MTUS2: variants seen among roughly 807,000 people sequenced by gnomAD.
MTUS2 encodes the protein microtubule-associated tumor suppressor candidate 2.
A neutral mutation model predicts 114.1 loss-of-function variants in MTUS2; 40 were observed. That is an observed-to-expected ratio of 0.35 (90% CI 0.27 to 0.46). The LOEUF (loss-of-function observed/expected upper bound fraction) is 0.46. Among genes scored for constraint, MTUS2 ranks in the 20% least tolerant of loss-of-function variants. MTUS2 has a pLI of 1.00. For missense variants in MTUS2, 1,679 were observed against 1,705.4 expected (o/e 0.98, Z 0.27); for synonymous variants, 688 against 672.0 (o/e 1.02, Z -0.37).
intron 9 of MTUS2, among the ~76,000 whole-genome samples, chr13:29,471,744 C>CCCCCCCCCA (rs1555283295): frequency 6.9e-6 from 1 of 144,508 alleles, no homozygotes; most frequent in Admixed American, 6.8e-5. Flanking sequence ...CAGGCCCAGC[C>CCCCCCCCCA]CCCCCCGACA....
At chr13:28,977,088 G>A (rs1374997808) in intron 2 of MTUS2, among the ~76,000 whole-genome samples, 1 of 152,032 alleles carries the variant, frequency 6.6e-6, no homozygotes, top group African/African-American at 2.4e-5. Context: ...TGAAGGAGAG[G>A]AATTAGTTGT....
intron 5 of MTUS2, among the ~76,000 whole-genome samples, chr13:29,224,107 G>A (rs979001716): frequency 3.3e-5 from 5 of 152,210 alleles, no homozygotes; most frequent in African/African-American, 7.2e-5. Context: ...CAAGTGGAGC[G>A]CAACCTGCCA....
intron 2 of MTUS2, among the ~76,000 whole-genome samples, chr13:28,849,121 A>G (rs752621829): frequency 6.6e-6 from 1 of 152,242 alleles, no homozygotes; most frequent in Non-Finnish European, 1.5e-5. Context: ...CAGACCCTGT[A>G]ACCTAGTCCA....
chr13:29,410,600 T>C (rs1875152673), intron 8 of MTUS2, among the ~76,000 whole-genome samples: 2 of 152,220 alleles, frequency 1.3e-5, no homozygotes, highest in South Asian at 4.1e-4. Flanking sequence ...GTTTTGTCAT[T>C]TTGAAAGAGT....
chr13:29,064,066 C>G (rs185466328), intron 4 of MTUS2, among the ~76,000 whole-genome samples: 137 of 152,196 alleles, frequency 9.0e-4, no homozygotes, highest in South Asian at 3.1e-3. Flanking sequence ...TGGCTCTGCA[C>G]AGAGCACTGG....
chr13:29,432,031 T>C (rs12584948), intron 8 of MTUS2, among the ~76,000 whole-genome samples: 21,405 of 145,524 alleles, frequency 0.15, 2,095 homozygotes, highest in East Asian at 0.47. Flanking sequence ...TTTTTTTTTT[T>C]TGGCAGAGCT....
intron 5 of MTUS2, among the ~76,000 whole-genome samples, chr13:29,187,848 T>C (rs1243763373): frequency 2.0e-5 from 3 of 152,066 alleles, no homozygotes; most frequent in Admixed American, 2.0e-4. Context: ...CTGTGTTGAT[T>C]TCTGGTCCTC....
chr13:29,161,439 T>C (rs937546031), intron 5 of MTUS2, among the ~76,000 whole-genome samples: 1 of 151,216 alleles, frequency 6.6e-6, no homozygotes, highest in African/African-American at 2.4e-5. Context: ...TATATTATTA[T>C]AATATATAGT....
At chr13:28,963,709 CCTT>C (rs1401133025) in intron 2 of MTUS2, among the ~76,000 whole-genome samples, 3 of 152,326 alleles carry the variant, frequency 2.0e-5, no homozygotes, top group Non-Finnish European at 2.9e-5. Flanking sequence ...CGCTTTCTTA[CCTT>C]CTCCTCATTC....
At chr13:29,295,806 T>C (rs1469334501) in intron 6 of MTUS2, among the ~76,000 whole-genome samples, 1 of 152,178 alleles carries the variant, frequency 6.6e-6, no homozygotes, top group East Asian at 1.9e-4. Flanking sequence ...ATTTCTTACA[T>C]GACAGCAGTC....
intron 1 of MTUS2, among the ~76,000 whole-genome samples, chr13:28,824,906 G>A (rs993910410): frequency 2.6e-5 from 4 of 152,168 alleles, no homozygotes; most frequent in African/African-American, 9.7e-5. Flanking sequence ...ATGGGGAATT[G>A]CTATTTCAAG....
chr13:28,942,101 A>G (rs1244380430), intron 2 of MTUS2, among the ~76,000 whole-genome samples: 1 of 152,226 alleles, frequency 6.6e-6, no homozygotes, highest in African/African-American at 2.4e-5. Flanking sequence ...TGAAAGTAAC[A>G]AAGATCTTAC....
chr13:29,027,968 C>G (rs1886639310), intron 3 of MTUS2, among the ~76,000 whole-genome samples: 1 of 152,194 alleles, frequency 6.6e-6, no homozygotes, highest in Non-Finnish European at 1.5e-5. Flanking sequence ...CTGTGCTGTC[C>G]TTTTTAGCTA....
At chr13:29,313,188 C>A (rs1276536519) in intron 6 of MTUS2, among the ~76,000 whole-genome samples, 1 of 152,066 alleles carries the variant, frequency 6.6e-6, no homozygotes, top group Admixed American at 6.6e-5. Context: ...GAGGAGGCTG[C>A]TGCAGAGCTC....
At chr13:28,943,117 G>T (rs1343448241) in intron 2 of MTUS2, among the ~76,000 whole-genome samples, 1 of 152,142 alleles carries the variant, frequency 6.6e-6, no homozygotes, top group Non-Finnish European at 1.5e-5. Context: ...TCCTATGAAT[G>T]TGATCTGGGG....
chr13:29,274,102 T>TTTTGTTTG (rs58871176), intron 5 of MTUS2, among the ~76,000 whole-genome samples: 109 of 151,910 alleles, frequency 7.2e-4, no homozygotes, highest in African/African-American at 2.5e-3. Context: ...TTGTTTTTTG[T>TTTTGTTTG]TTTGTTTGTT....
chr13:29,033,346 A>G (rs1886914327), intron 3 of MTUS2, among the ~76,000 whole-genome samples: 1 of 152,178 alleles, frequency 6.6e-6, no homozygotes, highest in African/African-American at 2.4e-5. Context: ...TACATTTTCC[A>G]TTAACTTCCC....
At chr13:28,896,977 G>A (rs547903328) in intron 2 of MTUS2, among the ~76,000 whole-genome samples, 38 of 152,116 alleles carry the variant, frequency 2.5e-4, no homozygotes, top group East Asian at 1.4e-3. Flanking sequence ...ATTACCATTC[G>A]GGACATAGGC....
At chr13:28,916,572 A>G (rs1279358120) in intron 2 of MTUS2, among the ~76,000 whole-genome samples, 1 of 151,598 alleles carries the variant, frequency 6.6e-6, no homozygotes, top group East Asian at 1.9e-4. Flanking sequence ...TGATTTTAAA[A>G]TTTCTTTTTC....
Sources: allele counts gnomAD v4.1 joint callset (sites outside exome capture counted in the v4.1 genomes callset), GRCh38; gene constraint gnomAD v4.1.1; transcripts MANE v1.5; gene names NCBI Gene and HGNC (gene_info 2026-07-23, HGNC 2026-07-21).